DACT2: variants seen among roughly 807,000 people sequenced by gnomAD.
DACT2 encodes dapper homolog 2.
Under a neutral mutation model 22.2 loss-of-function variants are expected in DACT2, and 20 were observed. The observed-to-expected ratio is 0.90, with a 90% CI of 0.63 to 1.31. The LOEUF (loss-of-function observed/expected upper bound fraction) is 1.31. Among genes scored for constraint, DACT2 ranks in the 50% most tolerant of loss-of-function variants. DACT2 has a pLI of 0.00. For synonymous variants in DACT2, 463 were observed against 479.8 expected (o/e 0.96, Z 0.46); for missense variants, 1,048 against 1,061.4 (o/e 0.99, Z 0.18).
chr6:168,301,541 G>A (rs1299591275), intron 3 of DACT2, among the ~76,000 whole-genome samples: 4 of 152,194 alleles, frequency 2.6e-5, no homozygotes, highest in Admixed American at 2.0e-4. Context: ...AATCAGCTCC[G>A]GAGGGCCAAG....
chr6:168,294,731 G>T lies in DACT2; in HGVS notation c.659-27C>A, dbSNP rs761483443. The T allele has an allele frequency of 1.2e-5, 16 of 1,330,030 alleles. No individual in the cohort carries two copies. In the African/African-American group the frequency reaches 1.8e-4, roughly 15 times the overall value. 82.4% of individuals were successfully genotyped at this position (1,330,030 alleles called of 1,614,324 possible). ...TGGTAAGAACAAAATGCAAATGTGC[G>T]TGAGAGCTACAGAACACACCTGCAG... is the stretch of plus-strand genomic sequence containing the variant. On this transcript the variant is annotated intron_variant, in intron 3 of 5. Coordinates refer to the DACT2 transcript ENST00000366796.
chr6:168,293,836 C>G, exon 6 of DACT2: 9 of 702,380 alleles, frequency 1.3e-5, no homozygotes, highest in Non-Finnish European at 2.1e-5. Flanking sequence ...GGCCAGGACC[C>G]GACTTCCAGC....
rs1356412731 is a variant in DACT2, at chr6:168,307,561, C to G, written c.2196G>C (p.Glu732Asp). 3 of 1,551,166 alleles carry G rather than the reference C, an allele frequency of 1.9e-6. No individual in the cohort carries two copies. In the East Asian group the frequency reaches 7.3e-5, roughly 38 times the overall value. ...AGHAELAWTQEAPVSSGPLLS... is the reference protein window; with the variant it reads ...AGHAELAWTQDAPVSSGPLLS... The stretch of plus-strand genomic sequence containing the variant: ...GGAGTGGCCCCGAGCTGACCGGGGC[C>G]TCCTGGGTCCAGGCCAGCTCCGCAT... The change falls in exon 4 of 4, where the codon GAG becomes GAC. Residue 732 changes from glutamate to aspartate, a missense_variant. Coordinates refer to ENST00000366795, the MANE Select transcript of DACT2 (RefSeq NM_214462.5). This position sits in a 1 kb window ranked among gnomAD's most constrained non-coding sequence, Gnocchi z 5.3.
At chr6:168,296,098 G>A in intron 3 of DACT2, among the ~76,000 whole-genome samples, 1 of 110,124 alleles carries the variant, frequency 9.1e-6, no homozygotes, top group African/African-American at 5.1e-5. Flanking sequence ...CCAGAATCAG[G>A]GAAAGAGTGG....
chr6:168,319,407 G>A lies in DACT2; in HGVS notation c.227C>T (p.Ala76Val), dbSNP rs1779590689. The A allele has an allele frequency of 8.3e-7, 1 of 1,202,388 alleles. No homozygotes were observed. The highest frequency in any genetic ancestry group is 1.0e-6 in the Non-Finnish European group (1 of 969,204). 74.5% of individuals were successfully genotyped at this position (1,202,388 alleles called of 1,614,324 possible). A position where few individuals can be genotyped will look rare whatever the true frequency, so the allele number is the denominator to read the frequency against. ...GPEQQLEAALAALQEQLSRLR... is the reference protein window; with the variant it reads ...GPEQQLEAALVALQEQLSRLR... The stretch of plus-strand genomic sequence containing the variant: ...CCTTACCAGCTGCTCCTGCAGCGCG[G>A]CCAGCGCCGCCTCCAGCTGCTGCTC... The change falls in exon 1 of 4, where the codon GCC (alanine) becomes GTC (valine). Residue 76 changes from alanine to valine, a missense_variant. Coordinates refer to ENST00000366795, the MANE Select transcript of DACT2 (RefSeq NM_214462.5).
chr6:168,295,803 G>A (rs1219136259), intron 3 of DACT2, among the ~76,000 whole-genome samples: 1 of 152,216 alleles, frequency 6.6e-6, no homozygotes, highest in African/African-American at 2.4e-5. Flanking sequence ...TGCGATATTT[G>A]GCTGAGAGTC....
chr6:168,307,991 G>C lies in DACT2; in HGVS notation c.1766C>G (p.Ala589Gly). The C allele has an allele frequency of 6.4e-7, 1 of 1,551,192 alleles. No homozygotes were observed. Among genetic ancestry groups the C allele is most frequent in the East Asian group, 2.4e-5 (1 of 40,888 alleles). The change falls in exon 4 of 4, where the codon GCC (alanine) becomes GGC (glycine). Residue 589 changes from alanine to glycine, a missense_variant. Transcript: ENST00000366795. The surrounding 1 kb of genome is among the most constrained non-coding windows in gnomAD (Gnocchi z 5.3). ...PQESHRTSAQ[A>G]LFPFEASLLT... is the part of the protein sequence containing the mutation. ...CAGTGACGCCTCAAAGGGGAACAGG[G>C]CTTGGGCTGAGGTCCGGTGGCTCTC...
chr6:168,311,290 A>G lies in DACT2; in HGVS notation c.247-6T>C. 3.3e-6 allele frequency: 5 copies of G among 1,538,420 alleles called. 1 individual carries two copies. In the South Asian group the frequency reaches 6.0e-5, roughly 18 times the overall value. On this transcript the variant is annotated splice_region_variant and splice_polypyrimidine_tract_variant and intron_variant, in intron 1 of 3. Transcript: ENST00000366795. Reference sequence around the variant, plus strand: ...TCCTGTTGTCTCAGCCGGGACTGAGAAGGGAAAGAAGAGAAAGGGAACTGT... The same window carrying G: ...TCCTGTTGTCTCAGCCGGGACTGAGGAGGGAAAGAAGAGAAAGGGAACTGT...
intron 3 of DACT2, 22 bp from the exon 4 acceptor site, chr6:168,309,120 A>C (rs2114907974): frequency 1.3e-6 from 2 of 1,495,742 alleles, no homozygotes; most frequent in Non-Finnish European, 1.8e-6. Flanking sequence ...AAAAATGAAC[A>C]AACACGTAAC....
At chr6:168,302,869 T>C (rs1583292111), downstream of DACT2, among the ~76,000 whole-genome samples, 1 of 152,166 alleles carries the variant, frequency 6.6e-6, no homozygotes, top group South Asian at 2.1e-4. Context: ...TGTGACGTGA[T>C]TGAGGGCCGC....
chr6:168,293,488 T>TA (rs1180768462), exon 6 of DACT2: 8 of 162,800 alleles, frequency 4.9e-5, no homozygotes, highest in African/African-American at 1.9e-4. Flanking sequence ...TAAAAAAAAA[T>TA]AAAAACAAGA....
intron 3 of DACT2, among the ~76,000 whole-genome samples, chr6:168,309,948 T>G (rs1307137791): frequency 2.8e-5 from 4 of 144,256 alleles, no homozygotes; most frequent in Non-Finnish European, 6.2e-5. Flanking sequence ...CAGGGAAAAG[T>G]GCTGTGTGTT....
At position 168,307,584 on chromosome 6, in the gene DACT2, C is replaced by T. The variant is rs753920748; in HGVS notation, c.2173G>A (p.Ala725Thr). ...LALGYVAAGH[A>T]ELAWTQEAPV... ...GCCTCCTGGGTCCAGGCCAGCTCCG[C>T]ATGCCCGGCCGCCACATAGCCCAGT... Residue 725 changes from alanine (A) to threonine (T), a missense_variant, in exon 4 of 4, where the codon GCG (alanine) becomes ACG (threonine). Coordinates refer to ENST00000366795, the MANE Select transcript of DACT2 (RefSeq NM_214462.5). The surrounding 1 kb of genome is among the most constrained non-coding windows in gnomAD (Gnocchi z 5.3). 1.3e-6 allele frequency: 2 copies of T among 1,549,868 alleles called. No individual in the cohort carries two copies. Among genetic ancestry groups the T allele is most frequent in the South Asian group, 1.2e-5 (1 of 83,890 alleles).
intron 1 of DACT2, among the ~76,000 whole-genome samples, chr6:168,313,791 C>A (rs1014326103): frequency 6.6e-6 from 1 of 152,170 alleles, no homozygotes; most frequent in African/African-American, 2.4e-5. Context: ...TCCTCCTCCC[C>A]CAGCCCCGTT....
chr6:168,313,658 A>G (rs1779477165), intron 1 of DACT2, among the ~76,000 whole-genome samples: 1 of 152,148 alleles, frequency 6.6e-6, no homozygotes, highest in South Asian at 2.1e-4. Flanking sequence ...GTACTGACAG[A>G]AAATTAAGTT....
Position 168,307,813 on chromosome 6 carries a change from G to T in DACT2, c.1944C>A (p.Pro648=), listed in dbSNP as rs1370984774. The T allele has an allele frequency of 2.6e-6, 4 of 1,540,554 alleles. No individual in the cohort carries two copies. Among genetic ancestry groups the T allele is most frequent in the Middle Eastern group, 1.7e-4 (1 of 5,980 alleles). Reference sequence around the variant, plus strand: ...TGTAGGCGTCCTGGCGGACCAGTGAGGGACGGCCCCGGGCCAGTGGGCCAC... The same window carrying T: ...TGTAGGCGTCCTGGCGGACCAGTGATGGACGGCCCCGGGCCAGTGGGCCAC... The part of the protein sequence containing the change: ...RAGGPLARGR[P]SLVRQDAYTR... Residue 648 remains proline, a synonymous_variant, in exon 4 of 4, where the codon CCC becomes CCA. Transcript: ENST00000366795. This position sits in a 1 kb window ranked among gnomAD's most constrained non-coding sequence, Gnocchi z 5.3.
intron 1 of DACT2, among the ~76,000 whole-genome samples, chr6:168,319,146 C>G (rs1211698380): frequency 3.3e-5 from 5 of 152,176 alleles, no homozygotes; most frequent in Admixed American, 6.5e-5. Flanking sequence ...CACGGCGGAG[C>G]GCGGGCTGCA....
At chr6:168,297,397 G>A (rs1489872163) in intron 3 of DACT2, among the ~76,000 whole-genome samples, 1 of 152,156 alleles carries the variant, frequency 6.6e-6, no homozygotes, top group African/African-American at 2.4e-5. Context: ...GAAGAGGGAA[G>A]CATAAGGGAG....
intron 1 of DACT2, among the ~76,000 whole-genome samples, chr6:168,313,338 C>T (rs1005032536): frequency 6.6e-6 from 1 of 152,220 alleles, no homozygotes; most frequent in East Asian, 1.9e-4. Flanking sequence ...CCACCGCGCC[C>T]GGCCTCTGAA....
Sources: gnomAD v4.1 joint callset for allele counts (sites outside exome capture counted in the v4.1 genomes callset) on GRCh38, gnomAD v4.1.1 for gene constraint, Gnocchi (gnomAD v3.1) non-coding constraint, MANE v1.5 for transcripts, NCBI Gene and HGNC (gene_info 2026-07-23, HGNC 2026-07-21) for gene names.